The following CPEB4 variants were observed in gnomAD, a reference collection of about 807,000 sequenced individuals.
CPEB4 encodes cytoplasmic polyadenylation element-binding protein 4.
CPEB4 carries 12 observed loss-of-function variants against 72.5 expected under a neutral mutation model. The ratio of observed to expected loss-of-function variants is 0.17; its 90% confidence interval spans 0.11 to 0.27. CPEB4 has a LOEUF of 0.27. Ranked by LOEUF, CPEB4 falls within the 10% of genes least tolerant of loss-of-function variation. The pLI, the probability that CPEB4 is intolerant of heterozygous loss-of-function variation, is 1.00. For missense variants in CPEB4, 614 were observed against 908.5 expected, an observed-to-expected ratio of 0.68 and a Z score of 4.17; for synonymous variants, 302 against 326.3, an observed-to-expected ratio of 0.93 and a Z score of 0.80.
At chr5:173,940,035 G>A (rs1757780180) in intron 3 of CPEB4, among the ~76,000 whole-genome samples, 1 of 151,610 alleles carries the variant, frequency 6.6e-6, no homozygotes, top group African/African-American at 2.4e-5. Context: ...TTGAATCTGG[G>A]AGGCAGAGGT....
chr5:173,939,753 CT>C (rs11292869), intron 3 of CPEB4, among the ~76,000 whole-genome samples: 60,902 of 144,706 alleles, frequency 0.42, 12,705 homozygotes, highest in South Asian at 0.53. Flanking sequence ...TATTTTGAGC[CT>C]TTTTTTTTTT....
rs535645594 is a variant in CPEB4 at position 173,890,216 on chromosome 5, C to T, written c.483C>T (p.Ser161=). The change falls in exon 1 of 10, where the codon AGC becomes AGT. Residue 161 remains serine, a synonymous_variant. Coordinates refer to ENST00000265085, the MANE Select transcript of CPEB4 (RefSeq NM_030627.4). ...CTTCAACCCAACCCTTGACATCTAG[C>T]GCATCGTCTCTTACTGGTTTCAGTA... ...LGTSTQPLTS[S]ASSLTGFSNW... 6 of 1,614,144 alleles carry T rather than the reference C, an allele frequency of 3.7e-6. No homozygotes were observed. The African/African-American group carries it at 4.0e-5, about 11-fold the overall frequency.
intron 1 of CPEB4, among the ~76,000 whole-genome samples, chr5:173,899,934 G>A: frequency 6.6e-6 from 1 of 152,120 alleles, no homozygotes; most frequent in East Asian, 1.9e-4. Context: ...CTTTGTGCTT[G>A]AGTGTTGAGG....
At chr5:173,912,626 AT>A (rs80201581) in intron 2 of CPEB4, among the ~76,000 whole-genome samples, 1,521 of 143,480 alleles carry the variant, frequency 0.011, 10 homozygotes, top group African/African-American at 0.019. Context: ...TAATAAAATA[AT>A]TTTTTTTTTT....
chr5:173,898,729 T>C (rs952234797), intron 1 of CPEB4, among the ~76,000 whole-genome samples: 1 of 152,216 alleles, frequency 6.6e-6, no homozygotes, highest in African/African-American at 2.4e-5. Context: ...CAGACTAGAG[T>C]GCAGTAGCGC....
intron 1 of CPEB4, among the ~76,000 whole-genome samples, chr5:173,891,871 T>C (rs2113114846): frequency 6.6e-6 from 1 of 152,210 alleles, no homozygotes; most frequent in South Asian, 2.1e-4. Flanking sequence ...ACAAGATGAG[T>C]TCTGTTATTA....
intron 5 of CPEB4, among the ~76,000 whole-genome samples, chr5:173,945,485 T>C (rs934440971): frequency 2.2e-4 from 34 of 152,176 alleles, no homozygotes; most frequent in South Asian, 2.1e-3. Context: ...TTTTCCTTTT[T>C]CCCCCCACAT....
chr5:173,905,038 T>C (rs1404805028), intron 1 of CPEB4, among the ~76,000 whole-genome samples: 4 of 149,760 alleles, frequency 2.7e-5, no homozygotes, highest in Non-Finnish European at 5.9e-5. Context: ...ACTTAGAAGA[T>C]TTGAGGATTA....
intron 1 of CPEB4, among the ~76,000 whole-genome samples, chr5:173,895,555 G>T (rs1755975842): frequency 6.6e-6 from 1 of 152,176 alleles, no homozygotes; most frequent in Non-Finnish European, 1.5e-5. Flanking sequence ...TAAAAGTCAT[G>T]GTGGATTATT....
At chr5:173,910,409 A>C in intron 1 of CPEB4, 114 bp from the exon 2 acceptor site, 1 of 721,488 alleles carries the variant, frequency 1.4e-6, no homozygotes, top group Non-Finnish European at 2.5e-6. Context: ...TGTGCCTTAC[A>C]TAGAGAGTAA....
At chr5:173,917,791 C>G (rs776899305) in intron 2 of CPEB4, among the ~76,000 whole-genome samples, 1 of 152,182 alleles carries the variant, frequency 6.6e-6, no homozygotes, top group African/African-American at 2.4e-5. Flanking sequence ...GATTTATAAT[C>G]AAATTTCTCC....
At chr5:173,916,469 T>C (rs1164306948) in intron 2 of CPEB4, among the ~76,000 whole-genome samples, 1 of 152,226 alleles carries the variant, frequency 6.6e-6, no homozygotes, top group Non-Finnish European at 1.5e-5. Context: ...AAGCATGTTA[T>C]ACATCACTGC....
At chr5:173,912,936 A>AG (rs1756718036) in intron 2 of CPEB4, among the ~76,000 whole-genome samples, 1 of 151,596 alleles carries the variant, frequency 6.6e-6, no homozygotes. Context: ...AAAAAAAAAA[A>AG]AAGTATGGAA....
In CPEB4 at chr5:173,949,501, T is replaced by C. The variant is rs760533753; in HGVS notation, c.1457-7T>C. On this transcript the variant is annotated splice_polypyrimidine_tract_variant and splice_region_variant and intron_variant, in intron 5 of 9. Transcript: ENST00000265085. ...TAAATCTACTGTTTTCCTTTGTTGTTTATTAGATGAGATCACAGCTAGTTT... is the reference window on the plus strand; with the variant it reads ...TAAATCTACTGTTTTCCTTTGTTGTCTATTAGATGAGATCACAGCTAGTTT... The C allele has an allele frequency of 5.6e-6, 9 of 1,595,058 alleles. No individual in the cohort carries two copies. The highest frequency in any genetic ancestry group is 1.3e-5 in the African/African-American group (1 of 74,300).
intron 2 of CPEB4, among the ~76,000 whole-genome samples, chr5:173,927,175 T>A (rs1177724598): frequency 1.3e-5 from 2 of 151,518 alleles, no homozygotes; most frequent in Non-Finnish European, 2.9e-5. Context: ...AAAAGATGAG[T>A]TCTCAAAAAC....
chr5:173,902,985 A>C (rs1421745559), intron 1 of CPEB4, among the ~76,000 whole-genome samples: 1 of 151,646 alleles, frequency 6.6e-6, no homozygotes, highest in Non-Finnish European at 1.5e-5. Flanking sequence ...CTTGTAGGGC[A>C]TTTGACCAGT....
At chr5:173,938,391 A>G (rs1470791852) in intron 3 of CPEB4, among the ~76,000 whole-genome samples, 1 of 152,076 alleles carries the variant, frequency 6.6e-6, no homozygotes, top group African/African-American at 2.4e-5. Flanking sequence ...ACACCCAGCT[A>G]ATTTTTATAT....
At chr5:173,937,359 T>C (rs1446347909) in intron 3 of CPEB4, among the ~76,000 whole-genome samples, 1 of 152,120 alleles carries the variant, frequency 6.6e-6, no homozygotes, top group African/African-American at 2.4e-5. Flanking sequence ...CTCTTAATTA[T>C]AGTTTTTTGG....
intron 2 of CPEB4, among the ~76,000 whole-genome samples, chr5:173,931,836 G>C (rs928132192): frequency 1.3e-5 from 2 of 152,092 alleles, no homozygotes; most frequent in African/African-American, 4.8e-5. Context: ...TTTTTTGAGG[G>C]GTATCTTGGG....
Sources: gnomAD v4.1 joint callset for allele counts (sites outside exome capture counted in the v4.1 genomes callset) on GRCh38, gnomAD v4.1.1 for gene constraint, MANE v1.5 for transcripts, NCBI Gene and HGNC (gene_info 2026-07-23, HGNC 2026-07-21) for gene names.